Variants in PCDHA6 observed in about 807,000 individuals in gnomAD.
PCDHA6 encodes the protein protocadherin alpha 6, also known as protocadherin alpha-6.
PCDHA6 carries 55 observed loss-of-function variants against 60.3 expected under a neutral mutation model. That is an observed-to-expected ratio of 0.91 (90% CI 0.73 to 1.14). The LOEUF is 1.14. PCDHA6 is among the 50% of genes most tolerant of loss of function. PCDHA6 has a pLI of 0.00. For missense variants in PCDHA6, 1,327 were observed against 1,256.5 expected, an observed-to-expected ratio of 1.06 and a Z score of -0.85; for synonymous variants, 652 against 557.9, an observed-to-expected ratio of 1.17 and a Z score of -2.38.
rs1002607780 is a variant in PCDHA6 at position 141,011,898 on chromosome 5, T to G, written c.*1961T>G. 1.8e-4 allele frequency: 27 copies of G among 148,586 alleles called. 1 individual carries two copies. Among genetic ancestry groups the G allele is most frequent in the Admixed American group, 1.5e-3 (23 of 15,026 alleles). The allele number at this position is 148,586 out of a possible 1,614,324, so 9.2% of individuals were successfully genotyped here. On this transcript the variant is annotated 3_prime_UTR_variant, in exon 4 of 4. Coordinates refer to ENST00000529310, the MANE Select transcript of PCDHA6 (RefSeq NM_018909.4). ...TAGAAGTTTGATTAATTATATTATC[T>G]ATTTAGGCATTAATATAAAAGAGGT...
At chr5:141,002,550 G>A (rs1458455103) in intron 3 of PCDHA6, among the ~76,000 whole-genome samples, 1 of 152,186 alleles carries the variant, frequency 6.6e-6, no homozygotes, top group African/African-American at 2.4e-5. Context: ...TGAGTCCCAG[G>A]ATCCACCAGT....
At chr5:140,928,639 G>A in intron 1 of PCDHA6, 1 of 1,614,218 alleles carries the variant, frequency 6.2e-7, no homozygotes, top group Non-Finnish European at 8.5e-7. Context: ...GGTCACAAAA[G>A]TGGTAGCAGA....
chr5:141,010,233 G>C lies in PCDHA6; in HGVS notation c.*296G>C, dbSNP rs1156230400. ...AAGGAGAGGCTTCCCAGCCCCGCCA[G>C]TGAGAGGTTGGACTCTCTGCCCTGT... On this transcript the variant is annotated 3_prime_UTR_variant, in exon 4 of 4. Transcript: ENST00000529310. 1.9e-6 allele frequency: 3 copies of C among 1,551,812 alleles called. No homozygotes were observed. The highest frequency in any genetic ancestry group is 2.6e-6 in the Non-Finnish European group (3 of 1,147,042).
intron 1 of PCDHA6, chr5:140,830,949 C>T (rs1369947850): frequency 6.6e-6 from 1 of 152,220 alleles, no homozygotes; most frequent in Non-Finnish European, 1.5e-5. Context: ...ATTAAGCTAA[C>T]GCTTTGATTT....
chr5:140,909,801 T>C (rs1462008196), intron 1 of PCDHA6, among the ~76,000 whole-genome samples: 1 of 152,134 alleles, frequency 6.6e-6, no homozygotes, highest in African/African-American at 2.4e-5. Context: ...AGACTTCAGC[T>C]AAAACTCCAT....
At chr5:140,966,679 G>A (rs1554228549) in intron 1 of PCDHA6, 1 of 1,317,562 alleles carries the variant, frequency 7.6e-7, no homozygotes, top group Non-Finnish European at 9.8e-7. Flanking sequence ...AGGGTGGCAC[G>A]AGCGGAGGCG....
chr5:140,871,004 G>A, intron 1 of PCDHA6: 1 of 1,613,408 alleles, frequency 6.2e-7, no homozygotes, highest in Non-Finnish European at 8.5e-7. Context: ...AGCACAACGC[G>A]TGCCCTGGAC....
At chr5:140,941,202 CCTTTCTTT>C (rs797023184) in intron 1 of PCDHA6, among the ~76,000 whole-genome samples, 5 of 122,740 alleles carry the variant, frequency 4.1e-5, no homozygotes, top group Non-Finnish European at 9.0e-5. Context: ...TTTCTTTCTT[CCTTTCTTT>C]CTTCCTTTCT....
intron 1 of PCDHA6, chr5:140,876,494 T>C: frequency 1.2e-6 from 2 of 1,614,062 alleles, no homozygotes; most frequent in African/African-American, 1.3e-5. Flanking sequence ...GTGGAAGTTC[T>C]GGACGTGAAT....
At chr5:140,843,639 GC>G in intron 1 of PCDHA6, 1 of 1,595,772 alleles carries the variant, frequency 6.3e-7, no homozygotes, top group Non-Finnish European at 8.6e-7. Flanking sequence ...ATGGCCTTCA[GC>G]CCCTGCCTTC....
intron 3 of PCDHA6, among the ~76,000 whole-genome samples, chr5:141,007,850 C>A (rs1299909821): frequency 6.6e-6 from 1 of 152,156 alleles, no homozygotes; most frequent in Non-Finnish European, 1.5e-5. Context: ...GACTCAAAGT[C>A]CTTAAAGGTC....
In PCDHA6 at chr5:140,828,700, G is replaced by T. The variant is rs2150158039; in HGVS notation, c.609G>T (p.Glu203Asp). Residue 203 changes from glutamate (E) to aspartate (D), a missense_variant, in exon 1 of 4, where the codon GAG becomes GAT. Transcript: ENST00000529310. Reference sequence around the variant, plus strand: ...TATTAAAGAAATCCTTGGACAGAGAGGAAGCTCCTGCACACAACTTATTCC... The same window carrying T: ...TATTAAAGAAATCCTTGGACAGAGATGAAGCTCCTGCACACAACTTATTCC... ...GLLLKKSLDR[E>D]EAPAHNLFLT... is the part of the protein sequence containing the mutation. 1.9e-6 allele frequency: 3 copies of T among 1,614,210 alleles called. No individual in the cohort carries two copies. Among genetic ancestry groups the T allele is most frequent in the Non-Finnish European group, 2.5e-6 (3 of 1,180,032 alleles).
intron 3 of PCDHA6, among the ~76,000 whole-genome samples, chr5:141,000,094 C>G (rs782020096): frequency 1.3e-5 from 2 of 152,128 alleles, no homozygotes; most frequent in Non-Finnish European, 2.9e-5. Flanking sequence ...GTGAATGGAG[C>G]TCAACTCCGT....
Position 141,010,331 on chromosome 5 carries a change from T to C in PCDHA6, c.*394T>C. 6.5e-7 allele frequency: 1 copy of C among 1,537,904 alleles called. No homozygotes were observed. Among genetic ancestry groups the C allele is most frequent in the Non-Finnish European group, 8.8e-7 (1 of 1,142,160 alleles). On this transcript the variant is annotated 3_prime_UTR_variant, in exon 4 of 4. Transcript: ENST00000529310. The stretch of plus-strand genomic sequence containing the variant: ...TTTTGAGATTGAGCAGCTTGGGAGT[T>C]TGTGGCCACTGGGTATGTGTGGCTA...
At chr5:140,877,153 A>C in intron 1 of PCDHA6, 1 of 1,613,798 alleles carries the variant, frequency 6.2e-7, no homozygotes, top group Non-Finnish European at 8.5e-7. Flanking sequence ...CGAGAACGAC[A>C]ACGCGCCGGC....
intron 1 of PCDHA6, among the ~76,000 whole-genome samples, chr5:140,945,198 C>T (rs1563212846): frequency 6.6e-6 from 1 of 151,982 alleles, no homozygotes; most frequent in Non-Finnish European, 1.5e-5. Flanking sequence ...ATGCTATTTA[C>T]AATAGCTATG....
At chr5:140,864,479 C>T (rs1272499335) in intron 1 of PCDHA6, 1 of 152,160 alleles carries the variant, frequency 6.6e-6, no homozygotes, top group Non-Finnish European at 1.5e-5. Flanking sequence ...ATGTTGATTG[C>T]AGTGGGTGGA....
chr5:140,929,437 A>G (rs533186503), intron 1 of PCDHA6: 1 of 1,453,986 alleles, frequency 6.9e-7, no homozygotes, highest in Non-Finnish European at 9.2e-7. Context: ...TGAACTAAAC[A>G]CTCCTTCTTA....
chr5:141,011,182 G>T lies in PCDHA6; in HGVS notation c.*1245G>T, dbSNP rs887034679. On this transcript the variant is annotated 3_prime_UTR_variant, in exon 4 of 4. Coordinates refer to ENST00000529310, the MANE Select transcript of PCDHA6 (RefSeq NM_018909.4). ...TATATATCAAGACCCAAAAATTGAA[G>T]AAAAATATTGTTTTCTCATACAGTG... 1.3e-5 allele frequency: 2 copies of T among 153,494 alleles called. No individual in the cohort carries two copies. Among genetic ancestry groups the T allele is most frequent in the Admixed American group, 6.6e-5 (1 of 15,254 alleles). The allele number at this position is 153,494 out of a possible 1,614,324, so 9.5% of individuals were successfully genotyped here.
Sources: gnomAD v4.1 joint callset for allele counts (sites outside exome capture counted in the v4.1 genomes callset) on GRCh38, gnomAD v4.1.1 for gene constraint, MANE v1.5 for transcripts, NCBI Gene and HGNC (gene_info 2026-07-23, HGNC 2026-07-21) for gene names.